The following GABRB3 variants were observed in gnomAD, a reference collection of about 807,000 sequenced individuals.
The protein encoded by GABRB3 is gamma-aminobutyric acid receptor subunit beta-3.
GABRB3 carries 14 observed loss-of-function variants against 52.1 expected under a neutral mutation model. That is an observed-to-expected ratio of 0.27 (90% CI 0.18 to 0.42). The LOEUF is 0.42. Ranked by LOEUF, GABRB3 falls within the 10% of genes least tolerant of loss-of-function variation. The pLI, the probability that GABRB3 is intolerant of heterozygous loss-of-function variation, is 1.00. For missense variants in GABRB3, 307 were observed against 609.1 expected (o/e 0.50, Z 5.22); for synonymous variants, 260 against 232.3 (o/e 1.12, Z -1.08).
chr15:26,586,566 A>G (rs1026012218), intron 4 of GABRB3, among the ~76,000 whole-genome samples: 3 of 151,558 alleles, frequency 2.0e-5, no homozygotes, highest in Non-Finnish European at 4.4e-5. Flanking sequence ...CAAGTACAGT[A>G]GCTGTCCAGG....
At chr15:26,674,561 G>A (rs1026348500) in intron 3 of GABRB3, among the ~76,000 whole-genome samples, 5 of 152,064 alleles carry the variant, frequency 3.3e-5, no homozygotes, top group Non-Finnish European at 7.4e-5. Flanking sequence ...TGTACTTGCG[G>A]CATTGAAATT....
intron 4 of GABRB3, among the ~76,000 whole-genome samples, chr15:26,588,592 T>C (rs930938775): frequency 6.6e-6 from 1 of 152,152 alleles, no homozygotes; most frequent in Non-Finnish European, 1.5e-5. Flanking sequence ...ATTCAACTTT[T>C]AAAGGCCTAC....
chr15:26,552,544 G>T (rs2140656151), intron 8 of GABRB3, among the ~76,000 whole-genome samples: 1 of 152,286 alleles, frequency 6.6e-6, no homozygotes, highest in South Asian at 2.1e-4. Context: ...GCCACCTAGG[G>T]CTAGCTGTGG....
intron 6 of GABRB3, among the ~76,000 whole-genome samples, chr15:26,577,814 G>A (rs1890648119): frequency 6.6e-6 from 1 of 152,012 alleles, no homozygotes; most frequent in South Asian, 2.1e-4. Context: ...CTTTTTCTGG[G>A]GAGACAGCAT....
chr15:26,556,596 A>G (rs1239140915), intron 8 of GABRB3, among the ~76,000 whole-genome samples: 1 of 152,226 alleles, frequency 6.6e-6, no homozygotes, highest in African/African-American at 2.4e-5. Flanking sequence ...TCAGGAACAA[A>G]CAGATGGTAT....
rs970198380 is a variant in GABRB3 at position 26,544,641 on chromosome 15, G to A, written c.*3152C>T. 6 of 152,292 alleles carry A rather than the reference G, an allele frequency of 3.9e-5. No individual in the cohort carries two copies. The highest frequency in any genetic ancestry group is 3.9e-4 in the Admixed American group (6 of 15,296). 9.4% of individuals were successfully genotyped at this position (152,292 alleles called of 1,614,324 possible). On this transcript the variant is annotated 3_prime_UTR_variant, in exon 9 of 9. Coordinates refer to ENST00000311550, the MANE Select transcript of GABRB3 (RefSeq NM_000814.6). ...TTTTAAGGACTACTCAAGTCTATCA[G>A]TCTTTCTCTGTAGGGAGTTATGTAG...
chr15:26,724,048 A>G (rs1889709294), intron 3 of GABRB3, among the ~76,000 whole-genome samples: 1 of 152,166 alleles, frequency 6.6e-6, no homozygotes, highest in Non-Finnish European at 1.5e-5. Context: ...GCTACAGTCC[A>G]CGTGTACATC....
intron 3 of GABRB3, among the ~76,000 whole-genome samples, chr15:26,676,106 A>G (rs1403595960): frequency 6.6e-6 from 1 of 152,212 alleles, no homozygotes; most frequent in East Asian, 1.9e-4. Flanking sequence ...AGTCACCACT[A>G]GACCCTCTAT....
At position 26,739,111 on chromosome 15, in the gene GABRB3, G is replaced by A. The variant is rs943241509; in HGVS notation, c.240+33291C>T. Among the ~76,000 whole-genome samples, 5 of 152,218 alleles carry A rather than the reference G, an allele frequency of 3.3e-5. No individual in the cohort carries two copies. In the South Asian group the frequency reaches 1.0e-3, roughly 32 times the overall value. On this transcript the variant is annotated intron_variant, in intron 3 of 8. Transcript: ENST00000311550. ...GTGACCCAGCTCATCACTGCCTGGT[G>A]CTGATGCTCCATGGAGTCCTAGCAC...
At position 26,735,698 on chromosome 15, in the gene GABRB3, C is replaced by T. The variant is rs182346214; in HGVS notation, c.240+36704G>A. 4.2e-3 allele frequency among the ~76,000 whole-genome samples: 639 copies of T among 152,196 alleles called. 8 individuals are homozygous for T. Among genetic ancestry groups the T allele is most frequent in the African/African-American group, 0.015 (627 of 41,532 alleles). ...GCCCAGTGGCTCATGTCTGTAACCC[C>T]AGCACTTTGGGAGGTCAAGGCAAAA... On this transcript the variant is annotated intron_variant, in intron 3 of 8. Transcript: ENST00000311550.
rs1469460053 is a variant in GABRB3, at chr15:26,772,430, C to T, written c.212G>A (p.Ser71Asn). The change falls in exon 3 of 9, where the codon AGC (serine) becomes AAC (asparagine). Residue 71 changes from serine (S) to asparagine (N), a missense_variant. By Grantham distance (46) the Ser-to-Asn change is conservative. Around this residue, in one of 6 missense-constraint regions of GABRB3, gnomAD observed 31 missense variants for 71.2 expected, o/e 0.44. Coordinates refer to ENST00000311550, the MANE Select transcript of GABRB3 (RefSeq NM_000814.6). Reference sequence around the variant, plus strand: ...GTTGACTTCGGAAACCATGTCGATGCTGGCGATGTCGATGTTCATCCCCAC... The same window carrying T: ...GTTGACTTCGGAAACCATGTCGATGTTGGCGATGTCGATGTTCATCCCCAC... ...VCVGMNIDIASIDMVSEVNMD... is the reference protein window; with the variant it reads ...VCVGMNIDIANIDMVSEVNMD... The T allele has an allele frequency of 1.2e-6, 2 of 1,610,682 alleles. No homozygotes were observed. The highest frequency in any genetic ancestry group is 3.3e-5 in the Admixed American group (2 of 59,858).
intron 3 of GABRB3, chr15:26,772,090 G>A (rs1328798347): frequency 3.2e-6 from 1 of 315,078 alleles, no homozygotes; most frequent in African/African-American, 2.2e-5. Flanking sequence ...GAAACCTCGG[G>A]ACCAGGCGAC....
intron 3 of GABRB3, among the ~76,000 whole-genome samples, chr15:26,662,493 G>A (rs943401522): frequency 4.6e-5 from 7 of 152,104 alleles, no homozygotes; most frequent in African/African-American, 1.7e-4. Context: ...GGAAACAAAC[G>A]GCCTTATTTT....
At chr15:26,741,635 G>A (rs571489641) in intron 3 of GABRB3, among the ~76,000 whole-genome samples, 1 of 152,224 alleles carries the variant, frequency 6.6e-6, no homozygotes, top group African/African-American at 2.4e-5. Flanking sequence ...TGGAGATAGG[G>A]TCTCACTCCG....
intron 3 of GABRB3, among the ~76,000 whole-genome samples, chr15:26,625,174 G>T (rs1000465501): frequency 6.6e-6 from 1 of 152,032 alleles, no homozygotes; most frequent in African/African-American, 2.4e-5. Context: ...CAAGGGATGG[G>T]AGCTAAACAG....
intron 3 of GABRB3, chr15:26,658,711 G>C (rs531429198): frequency 6.6e-6 from 1 of 152,336 alleles, no homozygotes; most frequent in South Asian, 2.1e-4. Context: ...GAGGTTCCCT[G>C]TCCAGCATTT....
intron 8 of GABRB3, among the ~76,000 whole-genome samples, chr15:26,554,655 C>T (rs1480323892): frequency 6.6e-6 from 1 of 152,132 alleles, no homozygotes; most frequent in African/African-American, 2.4e-5. Context: ...ACAGATGTTA[C>T]AAGAGCACGT....
At chr15:26,615,361 T>A (rs552362947) in intron 4 of GABRB3, 1 of 985,370 alleles carries the variant, frequency 1.0e-6, no homozygotes, top group Non-Finnish European at 1.2e-6. Flanking sequence ...TTCTCTCCCA[T>A]CACATGCTGA....
At chr15:26,750,890 A>C (rs1290204146) in intron 3 of GABRB3, among the ~76,000 whole-genome samples, 4 of 152,214 alleles carry the variant, frequency 2.6e-5, no homozygotes, top group African/African-American at 9.6e-5. Context: ...TTCTATCATG[A>C]ATTACAGACA....
Sources: allele counts gnomAD v4.1 joint callset (sites outside exome capture counted in the v4.1 genomes callset), GRCh38; gene constraint gnomAD v4.1.1; regional missense constraint gnomAD v4.1.1; transcripts MANE v1.5; gene names NCBI Gene and HGNC (gene_info 2026-07-23, HGNC 2026-07-21).